The following CROT variants were observed in gnomAD, a reference collection of about 807,000 sequenced individuals.
CROT encodes carnitine O-octanoyltransferase.
A neutral mutation model predicts 89.2 loss-of-function variants in CROT; 84 were observed. That is an observed-to-expected ratio of 0.94 (90% CI 0.79 to 1.13). The LOEUF is 1.13. CROT is among the 50% of genes most tolerant of loss of function. The pLI is 0.00. For synonymous variants in CROT, 212 were observed against 239.5 expected, an observed-to-expected ratio of 0.89 and a Z score of 1.06; for missense variants, 711 against 727.8, an observed-to-expected ratio of 0.98 and a Z score of 0.27.
intron 9 of CROT, among the ~76,000 whole-genome samples, chr7:87,376,415 A>G (rs1225597502): frequency 2.0e-5 from 3 of 152,050 alleles, no homozygotes; most frequent in South Asian, 2.1e-4. Flanking sequence ...TGCTGAACAC[A>G]TTGATGTCAG....
chr7:87,385,773 C>A (rs547117725), intron 13 of CROT, among the ~76,000 whole-genome samples: 1 of 152,270 alleles, frequency 6.6e-6, no homozygotes, highest in South Asian at 2.1e-4. Flanking sequence ...AGAGGAAAGT[C>A]TTGCAATTTT....
intron 7 of CROT, among the ~76,000 whole-genome samples, chr7:87,370,423 T>C (rs1283620339): frequency 6.6e-6 from 1 of 152,148 alleles, no homozygotes; most frequent in Admixed American, 6.5e-5. Flanking sequence ...CCTTAAATAA[T>C]CCGCCTGCCT....
chr7:87,349,971 T>A (rs1300042132), intron 3 of CROT, among the ~76,000 whole-genome samples: 1 of 152,174 alleles, frequency 6.6e-6, no homozygotes, highest in Non-Finnish European at 1.5e-5. Flanking sequence ...ATCCCAATTG[T>A]TTCTAGAAAG....
intron 5 of CROT, 54 bp from the exon 6 acceptor site, chr7:87,361,674 G>T: frequency 6.5e-7 from 1 of 1,534,602 alleles, no homozygotes. Context: ...CTTCAGTTGT[G>T]GCTGGTTTTT....
At chr7:87,388,759 A>G (rs146978954) in intron 13 of CROT, among the ~76,000 whole-genome samples, 3,816 of 152,324 alleles carry the variant, frequency 0.025, 156 homozygotes, top group African/African-American at 0.087. Context: ...TGGCAACAAA[A>G]GCCAAAATTG....
chr7:87,373,489 A>G (rs1182845488), intron 7 of CROT, among the ~76,000 whole-genome samples: 1 of 152,098 alleles, frequency 6.6e-6, no homozygotes, highest in Admixed American at 6.5e-5. Context: ...CTAAGAAACC[A>G]TTGCCTAATC....
chr7:87,388,731 C>A (rs1227352506), intron 13 of CROT, among the ~76,000 whole-genome samples: 1 of 152,124 alleles, frequency 6.6e-6, no homozygotes, highest in Non-Finnish European at 1.5e-5. Context: ...GACTTCATGA[C>A]TAAAACAACA....
chr7:87,362,049 T>A (rs1257348606), intron 6 of CROT, among the ~76,000 whole-genome samples, 197 bp downstream of exon 6: 1 of 152,238 alleles, frequency 6.6e-6, no homozygotes, highest in Non-Finnish European at 1.5e-5. Flanking sequence ...GTATCTTACA[T>A]GGTTCAACAC....
At chr7:87,351,308 C>CAAA (rs11295263) in intron 3 of CROT, among the ~76,000 whole-genome samples, 90 of 67,440 alleles carry the variant, frequency 1.3e-3, no homozygotes, top group African/African-American at 2.5e-3. Flanking sequence ...GACTCCATCT[C>CAAA]AAAAAAAAAA....
rs182636010 is a variant in CROT, at chr7:87,384,353, G to A, written c.1301+1810G>A. ...TTGAGACCAGCCTGGCCAACATAGC[G>A]AAACCCTGTCTCTACTAAAAATACA... On this transcript the variant is annotated intron_variant, in intron 13 of 17. Coordinates refer to ENST00000331536, the MANE Select transcript of CROT (RefSeq NM_021151.4). Among the ~76,000 whole-genome samples, 6 of 152,164 alleles carry A rather than the reference G, an allele frequency of 3.9e-5. No homozygotes were observed. The East Asian group carries it at 7.7e-4, about 20-fold the overall frequency.
rs753727757 is a variant in CROT, at chr7:87,381,957, G to A, written c.1026G>A (p.Val342=). The A allele has an allele frequency of 5.6e-6, 9 of 1,610,744 alleles. No individual in the cohort carries two copies. The highest frequency in any genetic ancestry group is 1.1e-5 in the South Asian group (1 of 90,240). Residue 342 remains valine (V), a synonymous_variant, in exon 11 of 18, where the codon GTG becomes GTA. Transcript: ENST00000331536. ...AMIMVNISYY[V]DEKIFQNEGR... ...TTATGGTGAACATCAGTTATTATGT[G>A]GATGAGAAAATTTTTCAGAATGAAG...
At chr7:87,389,007 C>T (rs1253156977) in intron 13 of CROT, among the ~76,000 whole-genome samples, 1 of 151,990 alleles carries the variant, frequency 6.6e-6, no homozygotes, top group Non-Finnish European at 1.5e-5. Flanking sequence ...ATGTGGCCAA[C>T]AAACAAATGA....
intron 13 of CROT, among the ~76,000 whole-genome samples, chr7:87,391,387 C>T (rs971515454): frequency 1.3e-5 from 2 of 152,160 alleles, no homozygotes; most frequent in East Asian, 1.9e-4. Context: ...ACAGCAGCCA[C>T]GCCTTTGAAA....
At chr7:87,383,375 T>C (rs890961642) in intron 13 of CROT, among the ~76,000 whole-genome samples, 7 of 152,210 alleles carry the variant, frequency 4.6e-5, no homozygotes, top group African/African-American at 1.7e-4. Flanking sequence ...TGTCTTTCTA[T>C]TTCTGGATTA....
chr7:87,386,840 C>T (rs76303891), intron 13 of CROT, among the ~76,000 whole-genome samples: 68 of 152,150 alleles, frequency 4.5e-4, no homozygotes, highest in Non-Finnish European at 8.4e-4. Flanking sequence ...CTAACCCCAT[C>T]TCTACCCATT....
chr7:87,368,759 A>T (rs972798875), intron 6 of CROT, among the ~76,000 whole-genome samples: 8 of 152,188 alleles, frequency 5.3e-5, no homozygotes, highest in Non-Finnish European at 7.4e-5. Flanking sequence ...GTACCTAAAG[A>T]TGGGGTTATA....
chr7:87,361,679 G>T, intron 5 of CROT, 49 bp from the exon 6 acceptor site: 1 of 1,539,792 alleles, frequency 6.5e-7, no homozygotes, highest in Non-Finnish European at 8.7e-7. Flanking sequence ...GTTGTGGCTG[G>T]TTTTTAAATT....
intron 13 of CROT, among the ~76,000 whole-genome samples, chr7:87,389,859 A>G (rs148586317): frequency 6.6e-6 from 1 of 152,190 alleles, no homozygotes; most frequent in African/African-American, 2.4e-5. Context: ...GCTTGCCAGA[A>G]ACTAGCTCAT....
chr7:87,365,081 T>C (rs1584629089), intron 6 of CROT, among the ~76,000 whole-genome samples: 1 of 152,192 alleles, frequency 6.6e-6, no homozygotes, highest in Non-Finnish European at 1.5e-5. Context: ...TGCTGTGTTT[T>C]TTTCTTCAGC....
Sources: gnomAD v4.1 joint callset for allele counts (sites outside exome capture counted in the v4.1 genomes callset) on GRCh38, gnomAD v4.1.1 for gene constraint, MANE v1.5 for transcripts, NCBI Gene and HGNC (gene_info 2026-07-23, HGNC 2026-07-21) for gene names.